Variants in TBC1D22A observed in about 807,000 individuals in gnomAD.
TBC1D22A encodes putative GTPase activator.
A neutral mutation model predicts 60.2 loss-of-function variants in TBC1D22A; 38 were observed. That is an observed-to-expected ratio of 0.63 (90% CI 0.49 to 0.83). The LOEUF (loss-of-function observed/expected upper bound fraction) is 0.83. Among genes scored for constraint, TBC1D22A ranks in the 40% least tolerant of loss-of-function variants. The pLI is 0.00. For missense variants in TBC1D22A, 628 were observed against 701.0 expected, an observed-to-expected ratio of 0.90 and a Z score of 1.18; for synonymous variants, 302 against 281.7, an observed-to-expected ratio of 1.07 and a Z score of -0.72.
intron 1 of TBC1D22A, among the ~76,000 whole-genome samples, chr22:46,782,313 A>G (rs554556260): frequency 1.3e-5 from 2 of 152,170 alleles, no homozygotes; most frequent in Non-Finnish European, 2.9e-5. Flanking sequence ...TCGGCCTCTC[A>G]AAGTGCTGAG....
At chr22:47,021,679 T>C (rs2062094796) in intron 10 of TBC1D22A, among the ~76,000 whole-genome samples, 1 of 152,238 alleles carries the variant, frequency 6.6e-6, no homozygotes, top group African/African-American at 2.4e-5. Flanking sequence ...CCTGGGCCCA[T>C]AGAGACTGTG....
At chr22:46,855,631 A>T (rs895638097) in intron 4 of TBC1D22A, among the ~76,000 whole-genome samples, 2 of 152,102 alleles carry the variant, frequency 1.3e-5, no homozygotes, top group Non-Finnish European at 2.9e-5. Flanking sequence ...GCTGGGTAGA[A>T]ATCCAGGATT....
chr22:46,872,971 C>G (rs1168839651), intron 4 of TBC1D22A, among the ~76,000 whole-genome samples: 1 of 152,170 alleles, frequency 6.6e-6, no homozygotes, highest in Non-Finnish European at 1.5e-5. Flanking sequence ...TGGAAGAAAC[C>G]ATTCGTGTCC....
intron 11 of TBC1D22A, among the ~76,000 whole-genome samples, chr22:47,068,786 G>C (rs2063862735): frequency 6.6e-6 from 1 of 152,196 alleles, no homozygotes; most frequent in East Asian, 1.9e-4. Flanking sequence ...TGAGGCCAGG[G>C]TGCAGATTGT....
intron 10 of TBC1D22A, among the ~76,000 whole-genome samples, chr22:47,035,829 A>G (rs964459640): frequency 2.6e-5 from 4 of 152,160 alleles, no homozygotes; most frequent in Non-Finnish European, 4.4e-5. Context: ...CGGCACCCGC[A>G]TGTCTTAGTA....
At chr22:47,038,521 G>T (rs367952870) in intron 11 of TBC1D22A, among the ~76,000 whole-genome samples, 4 of 152,198 alleles carry the variant, frequency 2.6e-5, no homozygotes, top group African/African-American at 9.7e-5. Context: ...CTCAGGCTGC[G>T]TGCGTTCTTC....
chr22:46,910,183 C>CAG (rs2069810118), intron 7 of TBC1D22A, among the ~76,000 whole-genome samples: 2 of 152,316 alleles, frequency 1.3e-5, no homozygotes, highest in African/African-American at 4.8e-5. Flanking sequence ...CAGGTGCCTG[C>CAG]TGTGTTAGGT....
intron 4 of TBC1D22A, among the ~76,000 whole-genome samples, chr22:46,842,110 G>A (rs1050239195): frequency 6.6e-6 from 1 of 152,154 alleles, no homozygotes; most frequent in African/African-American, 2.4e-5. Context: ...TACAGGTATA[G>A]GTATTTTTGC....
intron 1 of TBC1D22A, among the ~76,000 whole-genome samples, chr22:46,785,762 G>T (rs757719006): frequency 6.6e-6 from 1 of 152,116 alleles, no homozygotes; most frequent in Admixed American, 6.6e-5. Flanking sequence ...ATTGATCTAC[G>T]TTGTAGCTTG....
intron 12 of TBC1D22A, among the ~76,000 whole-genome samples, chr22:47,142,433 A>G: frequency 5.7e-5 from 1 of 17,600 alleles, no homozygotes; most frequent in Non-Finnish European, 9.9e-5. Context: ...TCACCCACCC[A>G]CCCACCCATC....
chr22:47,019,885 C>T lies in TBC1D22A; in HGVS notation c.1202-17186C>T, dbSNP rs1029457423. ...ATCCTTCCCCTCTCCCTTAACCCTC[C>T]ATCCTCTCCTCTCCCTTAACTCTCC... On this transcript the variant is annotated intron_variant, in intron 10 of 12. Transcript: ENST00000337137. Among the ~76,000 whole-genome samples the T allele has an allele frequency of 6.0e-5, 9 of 151,012 alleles. No individual in the cohort carries two copies. The South Asian group carries it at 1.9e-3, about 32-fold the overall frequency.
chr22:46,899,958 C>A lies in TBC1D22A; in HGVS notation c.900+5112C>A, dbSNP rs189126129. ...ATTTCTGCCGTAAGCATCCCTCCAA[C>A]CCCCTGCATCTATCGAAACATTTGC... On this transcript the variant is annotated intron_variant, in intron 7 of 12. Coordinates refer to ENST00000337137, the MANE Select transcript of TBC1D22A (RefSeq NM_014346.5). Among the ~76,000 whole-genome samples the A allele has an allele frequency of 3.3e-3, 509 of 152,218 alleles. 2 individuals carry two copies. The highest frequency in any genetic ancestry group is 5.4e-3 in the Non-Finnish European group (366 of 68,020).
chr22:46,933,062 G>A (rs978438041), intron 8 of TBC1D22A, among the ~76,000 whole-genome samples: 3 of 152,058 alleles, frequency 2.0e-5, no homozygotes, highest in African/African-American at 7.3e-5. Flanking sequence ...GGAAGTGCTG[G>A]GAGCAGGTAG....
At chr22:47,108,276 A>G (rs2065712043) in intron 11 of TBC1D22A, among the ~76,000 whole-genome samples, 1 of 152,250 alleles carries the variant, frequency 6.6e-6, no homozygotes, top group African/African-American at 2.4e-5. Flanking sequence ...CTCTCTGCAT[A>G]GTAGCCCCAA....
At chr22:46,907,789 C>T (rs2069598706) in intron 7 of TBC1D22A, among the ~76,000 whole-genome samples, 1 of 152,222 alleles carries the variant, frequency 6.6e-6, no homozygotes, top group African/African-American at 2.4e-5. Context: ...AGAGCCGGGG[C>T]AGTGCGGTGG....
intron 8 of TBC1D22A, among the ~76,000 whole-genome samples, chr22:46,960,507 C>T (rs531928778): frequency 4.6e-5 from 7 of 152,254 alleles, no homozygotes; most frequent in South Asian, 2.1e-4. Context: ...AATGATCTGC[C>T]GGCCTCAGTC....
At chr22:47,171,824 C>A (rs2068468426) in intron 12 of TBC1D22A, among the ~76,000 whole-genome samples, 1 of 152,200 alleles carries the variant, frequency 6.6e-6, no homozygotes, top group African/African-American at 2.4e-5. Context: ...TCTCCATCTC[C>A]TCAGTGTCCG....
chr22:46,843,185 T>C (rs1418511575), intron 4 of TBC1D22A, among the ~76,000 whole-genome samples: 1 of 152,202 alleles, frequency 6.6e-6, no homozygotes, highest in Non-Finnish European at 1.5e-5. Context: ...CGCCTTTAGC[T>C]CAGGGTCCTC....
chr22:46,961,038 C>T (rs13057357), intron 8 of TBC1D22A, among the ~76,000 whole-genome samples: 4 of 151,166 alleles, frequency 2.6e-5, no homozygotes, highest in Admixed American at 6.6e-5. Flanking sequence ...AAAACAAAAC[C>T]CGTGCCCAGG....
Sources: gnomAD v4.1 joint callset for allele counts (sites outside exome capture counted in the v4.1 genomes callset) on GRCh38, gnomAD v4.1.1 for gene constraint, MANE v1.5 for transcripts, NCBI Gene and HGNC (gene_info 2026-07-23, HGNC 2026-07-21) for gene names.